The following MRPL1 variants were observed in gnomAD, a reference collection of about 807,000 sequenced individuals.
MRPL1 encodes large ribosomal subunit protein uL1m.
In MRPL1, 28 loss-of-function variants were observed where a neutral mutation model predicts 38.0. That is an observed-to-expected ratio of 0.74 (90% CI 0.55 to 1.01). The LOEUF (loss-of-function observed/expected upper bound fraction) is 1.01, where lower values mean the gene tolerates loss of function less well. MRPL1 is among the 50% of genes least tolerant of loss of function. MRPL1 has a pLI of 0.00. For missense variants in MRPL1, 358 were observed against 389.8 expected, an observed-to-expected ratio of 0.92 and a Z score of 0.69; for synonymous variants, 123 against 126.7, an observed-to-expected ratio of 0.97 and a Z score of 0.20.
intron 7 of MRPL1, among the ~76,000 whole-genome samples, chr4:77,921,997 T>A (rs1389043689): frequency 6.6e-6 from 1 of 151,344 alleles, no homozygotes; most frequent in African/African-American, 2.5e-5. Context: ...ATAATGGGGT[T>A]ATATACATCA....
rs1735596680 is a variant in MRPL1, at chr4:77,883,440, T to C, written c.342T>C (p.Phe114=). The C allele has an allele frequency of 4.3e-6, 7 of 1,613,848 alleles. 1 individual carries two copies. The Admixed American group carries it at 1.2e-4, about 27-fold the overall frequency. The stretch of plus-strand genomic sequence containing the variant: ...TTAAGAAATTTCAAATTCTTGACTT[T>C]ACTAGTCCAAAGCAAAGTGTTTATC... ...HLLKKFQILD[F]TSPKQSVYLD... The change falls in exon 3 of 9, where the codon TTT becomes TTC. Residue 114 remains phenylalanine, a synonymous_variant. Transcript: ENST00000315567.
intron 7 of MRPL1, among the ~76,000 whole-genome samples, chr4:77,912,371 G>C (rs1357737482): frequency 6.6e-6 from 1 of 152,052 alleles, no homozygotes; most frequent in African/African-American, 2.4e-5. Flanking sequence ...TAAGGTTGAA[G>C]GTAGAAGCTC....
At chr4:77,870,539 G>T (rs1324450934) in intron 1 of MRPL1, among the ~76,000 whole-genome samples, 3 of 152,190 alleles carry the variant, frequency 2.0e-5, no homozygotes, top group African/African-American at 7.2e-5. Flanking sequence ...ATATGTGTGT[G>T]TATGTTTGTG....
chr4:77,878,009 A>C (rs755855026), intron 2 of MRPL1, among the ~76,000 whole-genome samples: 10 of 149,784 alleles, frequency 6.7e-5, no homozygotes, highest in Non-Finnish European at 1.3e-4. Context: ...TTGAGTGTGA[A>C]CTCCCCGTAT....
chr4:77,931,945 C>T (rs1736854750), intron 7 of MRPL1, among the ~76,000 whole-genome samples: 1 of 152,222 alleles, frequency 6.6e-6, no homozygotes. Context: ...ACGCAGAGCA[C>T]AGACGTCTTA....
chr4:77,925,322 A>AAT (rs1330559270), intron 7 of MRPL1, among the ~76,000 whole-genome samples: 1 of 151,610 alleles, frequency 6.6e-6, no homozygotes, highest in African/African-American at 2.4e-5. Flanking sequence ...TTATAGAGAT[A>AAT]TAATTAAGTA....
At chr4:77,883,677 A>G (rs1254648988) in intron 3 of MRPL1, among the ~76,000 whole-genome samples, 177 bp downstream of exon 3, 1 of 152,104 alleles carries the variant, frequency 6.6e-6, no homozygotes, top group African/African-American at 2.4e-5. Flanking sequence ...TCCCGGGCTC[A>G]GGTGATCCTG....
intron 2 of MRPL1, among the ~76,000 whole-genome samples, chr4:77,879,652 G>T (rs946703088): frequency 1.3e-5 from 2 of 152,166 alleles, no homozygotes; most frequent in Admixed American, 1.3e-4. Flanking sequence ...TTAAATAGGA[G>T]AATTTATTCC....
At chr4:77,926,733 T>C (rs1276770402) in intron 7 of MRPL1, among the ~76,000 whole-genome samples, 1 of 151,794 alleles carries the variant, frequency 6.6e-6, no homozygotes, top group Non-Finnish European at 1.5e-5. Context: ...CTCAGTCTCC[T>C]GTTTAGCTGG....
Position 77,878,255 on chromosome 4 carries a change from C to T in MRPL1, c.144-4987C>T, listed in dbSNP as rs78619844. The stretch of plus-strand genomic sequence containing the variant: ...TCTTTCTCGTTGTTAATGGTCTTTC[C>T]AGCTTTTACATTTTAAGTGGAAACA... On this transcript the variant is annotated intron_variant, in intron 2 of 8. Transcript: ENST00000315567. 3.1e-3 allele frequency among the ~76,000 whole-genome samples: 465 copies of T among 152,224 alleles called. 9 individuals carry two copies. In the East Asian group the frequency reaches 0.035, roughly 12 times the overall value.
At chr4:77,877,805 T>C (rs1395634888) in intron 2 of MRPL1, among the ~76,000 whole-genome samples, 2 of 151,732 alleles carry the variant, frequency 1.3e-5, no homozygotes, top group African/African-American at 4.8e-5. Flanking sequence ...CTGCTCTCAG[T>C]GGGTAGAAGT....
At chr4:77,887,862 T>G (rs1248027687) in intron 5 of MRPL1, among the ~76,000 whole-genome samples, 2 of 151,850 alleles carry the variant, frequency 1.3e-5, no homozygotes, top group Admixed American at 6.6e-5. Context: ...TTATTGTGAT[T>G]ATTATTATTA....
chr4:77,905,388 T>C (rs1185596912), intron 6 of MRPL1, among the ~76,000 whole-genome samples: 1 of 147,538 alleles, frequency 6.8e-6, no homozygotes, highest in African/African-American at 2.5e-5. Context: ...TCCCAGCTAC[T>C]TGGGAGGCTG....
chr4:77,948,089 T>C (rs1246558200), intron 7 of MRPL1, among the ~76,000 whole-genome samples: 2 of 152,304 alleles, frequency 1.3e-5, no homozygotes, highest in African/African-American at 2.4e-5. Flanking sequence ...GTTACAAAAA[T>C]CTGAGAAGTT....
intron 7 of MRPL1, among the ~76,000 whole-genome samples, chr4:77,927,631 T>C (rs1447455209): frequency 6.6e-6 from 1 of 151,962 alleles, no homozygotes; most frequent in Non-Finnish European, 1.5e-5. Flanking sequence ...TTAATTCAAA[T>C]ATAAAATCTT....
chr4:77,877,897 A>C (rs1356728780), intron 2 of MRPL1, among the ~76,000 whole-genome samples: 3 of 144,116 alleles, frequency 2.1e-5, no homozygotes, highest in Non-Finnish European at 1.5e-5. Context: ...TGTGCCTGCA[A>C]CTGGCTGGGG....
chr4:77,926,230 T>C (rs188599532), intron 7 of MRPL1, among the ~76,000 whole-genome samples: 2 of 152,212 alleles, frequency 1.3e-5, no homozygotes, highest in Admixed American at 6.5e-5. Context: ...ACTGGAGAGA[T>C]TAAAATATAG....
At chr4:77,910,266 C>G (rs772644371) in intron 7 of MRPL1, among the ~76,000 whole-genome samples, 9 of 152,182 alleles carry the variant, frequency 5.9e-5, no homozygotes, top group Non-Finnish European at 1.3e-4. Flanking sequence ...AGTCCAGGCT[C>G]TTTATCCCTA....
At chr4:77,901,510 C>T (rs1322824816) in intron 6 of MRPL1, among the ~76,000 whole-genome samples, 2 of 149,244 alleles carry the variant, frequency 1.3e-5, no homozygotes, top group Admixed American at 6.7e-5. Flanking sequence ...ACAAGAGACA[C>T]GTTATAGTCA....
Sources: gnomAD v4.1 joint callset for allele counts (sites outside exome capture counted in the v4.1 genomes callset) on GRCh38, gnomAD v4.1.1 for gene constraint, MANE v1.5 for transcripts, NCBI Gene and HGNC (gene_info 2026-07-23, HGNC 2026-07-21) for gene names.